The following ARHGEF33 variants were observed in gnomAD, a reference collection of about 807,000 sequenced individuals.
ARHGEF33 encodes Rho guanine nucleotide exchange factor 33, also known as DH and coiled-coil domain-containing protein ENSP00000381780.
ARHGEF33 carries 72 observed loss-of-function variants against 101.9 expected under a neutral mutation model. The ratio of observed to expected loss-of-function variants is 0.71; its 90% CI spans 0.58 to 0.86. The LOEUF is 0.86. Ranked by LOEUF, ARHGEF33 falls within the 40% of genes least tolerant of loss-of-function variation. The pLI, the probability that ARHGEF33 is intolerant of heterozygous loss-of-function variation, is 0.00. For missense variants in ARHGEF33, 1,169 were observed against 1,111.3 expected, an observed-to-expected ratio of 1.05 and a Z score of -0.74; for synonymous variants, 499 against 442.5, an observed-to-expected ratio of 1.13 and a Z score of -1.60.
intron 2 of ARHGEF33, among the ~76,000 whole-genome samples, chr2:38,907,298 G>A (rs2124983515): frequency 6.6e-6 from 1 of 152,286 alleles, no homozygotes; most frequent in African/African-American, 2.4e-5. Context: ...TTTGCTCACT[G>A]GGAGTCTTTG....
chr2:38,944,077 A>C (rs1408787250), intron 10 of ARHGEF33, 47 bp downstream of exon 10: 2 of 1,518,190 alleles, frequency 1.3e-6, no homozygotes, highest in Non-Finnish European at 1.8e-6. Flanking sequence ...ATTAGGATTT[A>C]AGGTAAGTGG....
chr2:38,897,721 G>A (rs1666151507), intron 2 of ARHGEF33, among the ~76,000 whole-genome samples: 1 of 152,188 alleles, frequency 6.6e-6, no homozygotes, highest in Non-Finnish European at 1.5e-5. Context: ...TGGAAGTGTA[G>A]ACAAGATGCT....
chr2:38,969,171 C>G (rs993544123), intron 17 of ARHGEF33, among the ~76,000 whole-genome samples: 3 of 152,178 alleles, frequency 2.0e-5, no homozygotes, highest in African/African-American at 4.8e-5. Context: ...CCAGAAGAGA[C>G]ATTCAGCCCA....
chr2:38,926,241 C>T (rs1364656406), intron 4 of ARHGEF33, among the ~76,000 whole-genome samples: 1 of 152,166 alleles, frequency 6.6e-6, no homozygotes, highest in Non-Finnish European at 1.5e-5. Context: ...AGATGAGGAA[C>T]GTGTTCAACT....
intron 2 of ARHGEF33, among the ~76,000 whole-genome samples, chr2:38,911,227 G>A (rs1666502748): frequency 6.6e-6 from 1 of 152,094 alleles, no homozygotes; most frequent in African/African-American, 2.4e-5. Context: ...CTCTCTTCTT[G>A]AAAATGTCTA....
Position 38,950,849 on chromosome 2 carries a change from C to G in ARHGEF33, c.921-140C>G, listed in dbSNP as rs1414606341. The stretch of plus-strand genomic sequence containing the variant: ...CTGCTATTAGGTGTGCAATGAAAAA[C>G]TTTAAAAAATCCTTAATGCAGGCCT... On this transcript the variant is annotated intron_variant, in intron 10 of 17. Coordinates refer to ENST00000409978, the MANE Select transcript of ARHGEF33 (RefSeq NM_001145451.5). 3.9e-6 allele frequency: 3 copies of G among 770,522 alleles called. No individual in the cohort carries two copies. In the African/African-American group the frequency reaches 5.3e-5, roughly 14 times the overall value. 47.7% of individuals were successfully genotyped at this position (770,522 alleles called of 1,614,324 possible). A position where few individuals can be genotyped will look rare whatever the true frequency, so the allele number is the denominator to read the frequency against.
intron 17 of ARHGEF33, among the ~76,000 whole-genome samples, chr2:38,972,347 C>T (rs1478338058): frequency 6.6e-6 from 1 of 152,000 alleles, no homozygotes; most frequent in Non-Finnish European, 1.5e-5. Flanking sequence ...AGGGAGAACT[C>T]GGGGGGGTTC....
chr2:38,971,019 T>A (rs886888835), intron 17 of ARHGEF33, among the ~76,000 whole-genome samples: 2 of 152,206 alleles, frequency 1.3e-5, no homozygotes, highest in Non-Finnish European at 2.9e-5. Context: ...TTGCTTTGAT[T>A]ACCAGGGCTG....
intron 9 of ARHGEF33, among the ~76,000 whole-genome samples, chr2:38,938,387 A>T (rs1337027523): frequency 1.3e-5 from 2 of 152,162 alleles, no homozygotes; most frequent in African/African-American, 4.8e-5. Flanking sequence ...ATAAAAAAAC[A>T]AAGTAGCTGG....
At chr2:38,931,277 TAATC>T in intron 7 of ARHGEF33, 26 bp downstream of exon 7, 1 of 1,522,234 alleles carries the variant, frequency 6.6e-7, no homozygotes, top group East Asian at 2.5e-5. Flanking sequence ...CATACTGAAT[TAATC>T]AAGTATTTTT....
chr2:38,931,539 C>T (rs528235210), intron 7 of ARHGEF33, among the ~76,000 whole-genome samples: 3 of 152,052 alleles, frequency 2.0e-5, no homozygotes, highest in Admixed American at 6.5e-5. Context: ...CTATGCTAAC[C>T]CATAAGACAG....
intron 7 of ARHGEF33, among the ~76,000 whole-genome samples, chr2:38,932,533 T>C (rs926137871): frequency 1.3e-5 from 2 of 152,186 alleles, no homozygotes; most frequent in Non-Finnish European, 2.9e-5. Flanking sequence ...CCGGGTTCAT[T>C]GCAGGTGGCT....
intron 9 of ARHGEF33, among the ~76,000 whole-genome samples, chr2:38,943,567 A>G (rs145231054): frequency 6.6e-6 from 1 of 152,046 alleles, no homozygotes; most frequent in African/African-American, 2.4e-5. Flanking sequence ...TGGAGGTTCA[A>G]TTGCCCCATA....
chr2:38,924,900 T>C lies in ARHGEF33; in HGVS notation c.75+3477T>C, dbSNP rs1206233677. On this transcript the variant is annotated intron_variant, in intron 4 of 17. Coordinates refer to ENST00000409978, the MANE Select transcript of ARHGEF33 (RefSeq NM_001145451.5). ...AAAATTTTAAAACAAAAACATAGTA[T>C]GACAGCATTAGTTACAACATTGAAA... Among the ~76,000 whole-genome samples the C allele has an allele frequency of 2.0e-5, 3 of 152,280 alleles. No individual in the cohort carries two copies. The East Asian group carries it at 5.8e-4, about 29-fold the overall frequency.
intron 10 of ARHGEF33, among the ~76,000 whole-genome samples, chr2:38,946,046 C>T (rs780448277): frequency 2.0e-5 from 3 of 152,198 alleles, no homozygotes; most frequent in Non-Finnish European, 4.4e-5. Context: ...ACAGTTGTCT[C>T]TTCCTATTTC....
intron 10 of ARHGEF33, among the ~76,000 whole-genome samples, 188 bp from the exon 11 acceptor site, chr2:38,950,801 T>C (rs1667581173): frequency 6.6e-6 from 1 of 152,238 alleles, no homozygotes; most frequent in African/African-American, 2.4e-5. Flanking sequence ...TTGTTTTGTT[T>C]TGTTTTTCTG....
intron 2 of ARHGEF33, among the ~76,000 whole-genome samples, chr2:38,906,028 G>A (rs745881569): frequency 6.6e-6 from 1 of 151,970 alleles, no homozygotes; most frequent in Non-Finnish European, 1.5e-5. Context: ...CAAATCACTT[G>A]TGCCCAGGAG....
At chr2:38,937,887 C>G (rs572407186) in intron 9 of ARHGEF33, among the ~76,000 whole-genome samples, 52 of 152,240 alleles carry the variant, frequency 3.4e-4, no homozygotes, top group Non-Finnish European at 6.5e-4. Flanking sequence ...AGCCTTTCAT[C>G]AACAGTCTAC....
chr2:38,973,608 A>G, intron 17 of ARHGEF33, 106 bp from the exon 18 acceptor site: 4 of 1,266,570 alleles, frequency 3.2e-6, no homozygotes, highest in South Asian at 1.7e-5. Context: ...TTCCAGTTCT[A>G]GGAAGCAACT....
Sources: gnomAD v4.1 joint callset for allele counts (sites outside exome capture counted in the v4.1 genomes callset) on GRCh38, gnomAD v4.1.1 for gene constraint, MANE v1.5 for transcripts, NCBI Gene and HGNC (gene_info 2026-07-23, HGNC 2026-07-21) for gene names.